Variants in EHMT1 observed in about 807,000 individuals in gnomAD.
The protein encoded by EHMT1 is euchromatic histone lysine methyltransferase 1.
A neutral mutation model predicts 147.2 loss-of-function variants in EHMT1; 15 were observed. The observed-to-expected ratio is 0.10, with a 90% CI of 0.07 to 0.16. The LOEUF is 0.16. Ranked by LOEUF, EHMT1 falls within the 10% of genes least tolerant of loss-of-function variation. The pLI is 1.00. For synonymous variants in EHMT1, 795 were observed against 709.6 expected (o/e 1.12, Z -1.91); for missense variants, 1,587 against 1,772.4 (o/e 0.90, Z 1.88).
intron 1 of EHMT1, among the ~76,000 whole-genome samples, chr9:137,634,589 T>A (rs923840108): frequency 2.0e-5 from 3 of 152,096 alleles, no homozygotes; most frequent in Admixed American, 6.6e-5. Context: ...TTTTCATGAT[T>A]GGGTCCCTTG....
chr9:137,763,168 C>T (rs1275129948), intron 10 of EHMT1: 4 of 472,046 alleles, frequency 8.5e-6, no homozygotes, highest in Admixed American at 7.4e-5. Context: ...AAGGTGAGTC[C>T]AGAACTGCCC....
chr9:137,739,577 C>T (rs1331751589), intron 4 of EHMT1, among the ~76,000 whole-genome samples: 2 of 151,920 alleles, frequency 1.3e-5, no homozygotes, highest in Non-Finnish European at 2.9e-5. Flanking sequence ...TCATTTTCCA[C>T]ACTTGGGTAG....
chr9:137,746,022 G>A (rs1948516213), intron 6 of EHMT1: 1 of 153,612 alleles, frequency 6.5e-6, no homozygotes, highest in Admixed American at 6.5e-5. Flanking sequence ...TCTTTTGAAT[G>A]TAGTCTGACG....
intron 3 of EHMT1, among the ~76,000 whole-genome samples, chr9:137,723,455 T>C (rs1291330725): frequency 8.6e-5 from 11 of 128,530 alleles, no homozygotes; most frequent in African/African-American, 2.7e-4. Context: ...GCCCTGTGTC[T>C]GTGGTTCTGG....
chr9:137,772,542 C>A (rs2136577429), intron 10 of EHMT1, among the ~76,000 whole-genome samples: 1 of 152,326 alleles, frequency 6.6e-6, no homozygotes, highest in East Asian at 1.9e-4. Flanking sequence ...CAGCTCAGCC[C>A]CTGCCACCGA....
chr9:137,687,539 T>G (rs1942566808), intron 1 of EHMT1, among the ~76,000 whole-genome samples: 1 of 152,110 alleles, frequency 6.6e-6, no homozygotes, highest in African/African-American at 2.4e-5. Flanking sequence ...CCTGAGTGTT[T>G]GTGTTCCCCC....
At chr9:137,668,641 C>G (rs766682525) in intron 1 of EHMT1, among the ~76,000 whole-genome samples, 10 of 152,222 alleles carry the variant, frequency 6.6e-5, no homozygotes, top group Non-Finnish European at 1.5e-4. Context: ...AACCCAGTCC[C>G]TGGCAACCAC....
Position 137,716,934 on chromosome 9 carries a change from C to T in EHMT1, c.394C>T (p.Leu132=). Residue 132 remains leucine, a synonymous_variant, in exon 3 of 27, where the codon CTA becomes TTA. Transcript: ENST00000460843. ...SNGYILNKPA[L]QAQPLRTTST... is the part of the protein sequence containing the mutation. ...CGGATACATCTTAAATAAGCCGGCC[C>T]TACAGGCACAGCCCTTGAGGACTAC... The T allele has an allele frequency of 6.2e-7, 1 of 1,612,954 alleles. No individual in the cohort carries two copies. Among genetic ancestry groups the T allele is most frequent in the Non-Finnish European group, 8.5e-7 (1 of 1,179,856 alleles).
intron 25 of EHMT1, among the ~76,000 whole-genome samples, chr9:137,822,118 G>A (rs1369335904): frequency 6.6e-6 from 1 of 152,234 alleles, no homozygotes; most frequent in African/African-American, 2.4e-5. Context: ...CCATCCTGGT[G>A]GATGAGTTCC....
chr9:137,826,761 T>C (rs1955837735), intron 25 of EHMT1, among the ~76,000 whole-genome samples: 1 of 152,094 alleles, frequency 6.6e-6, no homozygotes. Flanking sequence ...CACAGGCCTG[T>C]CTCCCTGCTG....
At chr9:137,717,845 G>T (rs937519173) in intron 3 of EHMT1, among the ~76,000 whole-genome samples, 2 of 152,160 alleles carry the variant, frequency 1.3e-5, no homozygotes, top group Non-Finnish European at 2.9e-5. Context: ...ATTGAGAAGT[G>T]AATAGAAATG....
chr9:137,688,181 G>A (rs1942623112), intron 1 of EHMT1, among the ~76,000 whole-genome samples: 2 of 151,972 alleles, frequency 1.3e-5, no homozygotes, highest in African/African-American at 4.8e-5. Flanking sequence ...GCGCCACCAC[G>A]CCTGGCTAAT....
chr9:137,760,936 G>A (rs1229504090), intron 9 of EHMT1, among the ~76,000 whole-genome samples: 2 of 152,186 alleles, frequency 1.3e-5, no homozygotes, highest in Non-Finnish European at 2.9e-5. Context: ...TGAACCTGGG[G>A]GCAGAGCTTG....
intron 1 of EHMT1, among the ~76,000 whole-genome samples, chr9:137,636,410 A>G (rs1455166669): frequency 6.6e-6 from 1 of 152,074 alleles, no homozygotes; most frequent in Non-Finnish European, 1.5e-5. Flanking sequence ...GTCCTTCCCT[A>G]ATTGCCCTGG....
At chr9:137,807,658 C>T (rs1336753652) in intron 18 of EHMT1, among the ~76,000 whole-genome samples, 8 of 152,086 alleles carry the variant, frequency 5.3e-5, no homozygotes, top group African/African-American at 7.2e-5. Context: ...CAGGCGCGCA[C>T]GACCACGCCT....
chr9:137,626,152 C>G (rs1191283209), intron 1 of EHMT1, among the ~76,000 whole-genome samples: 1 of 151,752 alleles, frequency 6.6e-6, no homozygotes, highest in African/African-American at 2.4e-5. Flanking sequence ...CAGGCGTGAG[C>G]CACCACGCCT....
At chr9:137,711,456 G>A (rs895066272) in intron 2 of EHMT1, among the ~76,000 whole-genome samples, 5 of 152,178 alleles carry the variant, frequency 3.3e-5, no homozygotes, top group Non-Finnish European at 7.3e-5. Flanking sequence ...CAGCATGACT[G>A]ACGCCGCGCC....
At position 137,822,994 on chromosome 9, in the gene EHMT1, A is replaced by G. The variant is rs185541121; in HGVS notation, c.3540+4856A>G. 2.2e-3 allele frequency among the ~76,000 whole-genome samples: 328 copies of G among 151,670 alleles called. 2 individuals carry two copies. Among genetic ancestry groups the G allele is most frequent in the African/African-American group, 7.6e-3 (314 of 41,300 alleles). ...CGCCCAGGCTGGAATGCAGTGGCACAATCTCGGCTCACTGCAACGTCTGCC... is the reference window on the plus strand; with the variant it reads ...CGCCCAGGCTGGAATGCAGTGGCACGATCTCGGCTCACTGCAACGTCTGCC... On this transcript the variant is annotated intron_variant, in intron 25 of 26. Transcript: ENST00000460843.
intron 1 of EHMT1, among the ~76,000 whole-genome samples, chr9:137,644,848 G>T (rs1229758990): frequency 6.6e-6 from 1 of 151,894 alleles, no homozygotes; most frequent in Admixed American, 6.6e-5. Context: ...AACTCTTTGA[G>T]GTTAGGGCTC....
Sources: allele counts gnomAD v4.1 joint callset (sites outside exome capture counted in the v4.1 genomes callset), GRCh38; gene constraint gnomAD v4.1.1; transcripts MANE v1.5; gene names NCBI Gene and HGNC (gene_info 2026-07-23, HGNC 2026-07-21).